Variants in CDH13 observed in about 807,000 individuals in gnomAD.
CDH13 encodes cadherin-13.
In CDH13, 24 loss-of-function variants were observed where a neutral mutation model predicts 63.8. That is an observed-to-expected ratio of 0.38 (90% CI 0.27 to 0.53). The LOEUF is 0.53. CDH13 is among the 20% of genes least tolerant of loss of function. The pLI, the probability that CDH13 is intolerant of heterozygous loss-of-function variation, is 0.85. For missense variants in CDH13, 1,049 were observed against 903.1 expected (o/e 1.16, Z -2.07); for synonymous variants, 503 against 355.3 (o/e 1.42, Z -4.67).
intron 6 of CDH13, among the ~76,000 whole-genome samples, chr16:83,384,128 C>G (rs1681878738): frequency 6.6e-6 from 1 of 152,186 alleles, no homozygotes; most frequent in Non-Finnish European, 1.5e-5. Flanking sequence ...ACTGATATCT[C>G]CAATTCCAAT....
At chr16:83,005,583 G>A (rs1913406236) in intron 2 of CDH13, among the ~76,000 whole-genome samples, 1 of 152,092 alleles carries the variant, frequency 6.6e-6, no homozygotes, top group African/African-American at 2.4e-5. Context: ...CCAATTATTT[G>A]TGTGTTCATC....
chr16:83,323,829 C>A (rs2090295606), intron 5 of CDH13, among the ~76,000 whole-genome samples: 1 of 152,170 alleles, frequency 6.6e-6, no homozygotes, highest in Non-Finnish European at 1.5e-5. Flanking sequence ...ATTCTTTCTA[C>A]ATGTTTCAGA....
intron 3 of CDH13, among the ~76,000 whole-genome samples, chr16:83,109,148 C>G (rs569290796): frequency 2.0e-5 from 3 of 152,094 alleles, no homozygotes; most frequent in Admixed American, 1.3e-4. Flanking sequence ...CCAGAAGTCA[C>G]GAGGATCCCT....
intron 6 of CDH13, among the ~76,000 whole-genome samples, chr16:83,387,725 G>C (rs1279976244): frequency 6.6e-6 from 1 of 152,198 alleles, no homozygotes; most frequent in Non-Finnish European, 1.5e-5. Context: ...TGGCGAAGTG[G>C]ACAATGGGGA....
At chr16:83,053,104 A>G (rs2030556828) in intron 3 of CDH13, among the ~76,000 whole-genome samples, 1 of 152,192 alleles carries the variant, frequency 6.6e-6, no homozygotes, top group Non-Finnish European at 1.5e-5. Context: ...GTTGAATGAG[A>G]TAATTCATGT....
intron 2 of CDH13, among the ~76,000 whole-genome samples, chr16:82,983,900 C>G (rs540277455): frequency 5.3e-5 from 8 of 152,102 alleles, no homozygotes; most frequent in African/African-American, 1.2e-4. Context: ...TTCTAGGAAG[C>G]GGGAATAATT....
At chr16:83,338,563 C>G (rs975380105) in intron 5 of CDH13, among the ~76,000 whole-genome samples, 1 of 152,154 alleles carries the variant, frequency 6.6e-6, no homozygotes, top group East Asian at 1.9e-4. Context: ...AGGTAATAAC[C>G]CATGGGAAGT....
At chr16:82,651,451 A>G (rs1597221759) in intron 1 of CDH13, among the ~76,000 whole-genome samples, 1 of 152,206 alleles carries the variant, frequency 6.6e-6, no homozygotes, top group Non-Finnish European at 1.5e-5. Context: ...TCAGCAAACA[A>G]TTGGCAGAAC....
chr16:82,827,535 G>A (rs762951964), intron 1 of CDH13, among the ~76,000 whole-genome samples: 17 of 152,084 alleles, frequency 1.1e-4, no homozygotes, highest in Non-Finnish European at 1.9e-4. Context: ...AGTAGGTCCC[G>A]CCCTTTTTAG....
intron 3 of CDH13, among the ~76,000 whole-genome samples, chr16:83,057,524 T>C (rs1330833581): frequency 1.3e-5 from 2 of 151,972 alleles, no homozygotes; most frequent in Admixed American, 1.3e-4. Context: ...TTTTCAAAAG[T>C]AGTAATTGGA....
chr16:82,842,800 G>A (rs1392031336), intron 1 of CDH13, among the ~76,000 whole-genome samples: 2 of 152,074 alleles, frequency 1.3e-5, no homozygotes, highest in East Asian at 1.9e-4. Flanking sequence ...CCTGCAACTA[G>A]ACAGTCTCAT....
rs368065050 is a variant in CDH13 at position 83,422,679 on chromosome 16, G to A, written c.782-63798G>A. The stretch of plus-strand genomic sequence containing the variant: ...TAAAGTGATCTGTGAATTAGAGGAC[G>A]TTTGACTTCTCCTCTGACCTCTAAG... On this transcript the variant is annotated intron_variant, in intron 6 of 13. Coordinates refer to ENST00000567109, the MANE Select transcript of CDH13 (RefSeq NM_001257.5). Among the ~76,000 whole-genome samples, 16 of 152,272 alleles carry A rather than the reference G, an allele frequency of 1.1e-4. No individual in the cohort carries two copies. The South Asian group carries it at 2.3e-3, about 22-fold the overall frequency.
intron 7 of CDH13, among the ~76,000 whole-genome samples, chr16:83,540,238 G>A (rs890045616): frequency 6.6e-6 from 1 of 152,062 alleles, no homozygotes; most frequent in Non-Finnish European, 1.5e-5. Context: ...GATCAACTCA[G>A]TATACCACTG....
chr16:82,977,315 C>G (rs933651922), intron 2 of CDH13, among the ~76,000 whole-genome samples: 1 of 152,126 alleles, frequency 6.6e-6, no homozygotes, highest in Non-Finnish European at 1.5e-5. Flanking sequence ...GGGTATTAAC[C>G]AGAAGCTTAG....
intron 5 of CDH13, among the ~76,000 whole-genome samples, chr16:83,274,616 C>A (rs548006865): frequency 6.6e-6 from 1 of 152,224 alleles, no homozygotes; most frequent in African/African-American, 2.4e-5. Flanking sequence ...AGCACAGAGC[C>A]TGATGTGTGA....
At chr16:82,774,333 T>C (rs917201008) in intron 1 of CDH13, among the ~76,000 whole-genome samples, 1 of 152,124 alleles carries the variant, frequency 6.6e-6, no homozygotes, top group African/African-American at 2.4e-5. Context: ...TTTTTTTTTT[T>C]TTTTCATTTC....
At chr16:83,140,044 C>T (rs145583046) in intron 4 of CDH13, among the ~76,000 whole-genome samples, 6 of 152,232 alleles carry the variant, frequency 3.9e-5, no homozygotes, top group South Asian at 2.1e-4. Flanking sequence ...TGGGGATAAC[C>T]GCTGTAGACA....
At chr16:83,423,393 C>G (rs1253944221) in intron 6 of CDH13, among the ~76,000 whole-genome samples, 3 of 152,048 alleles carry the variant, frequency 2.0e-5, no homozygotes. Context: ...AATGGCATCA[C>G]CATTGTGTGA....
intron 3 of CDH13, among the ~76,000 whole-genome samples, chr16:83,084,594 A>G (rs1442936089): frequency 6.6e-6 from 1 of 152,214 alleles, no homozygotes; most frequent in Non-Finnish European, 1.5e-5. Flanking sequence ...AGCTGATTTA[A>G]AATAGCTTAA....
Sources: allele counts gnomAD v4.1 joint callset (sites outside exome capture counted in the v4.1 genomes callset), GRCh38; gene constraint gnomAD v4.1.1; transcripts MANE v1.5; gene names NCBI Gene and HGNC (gene_info 2026-07-23, HGNC 2026-07-21).